Variants in SLC27A6 observed in about 807,000 individuals in gnomAD.
SLC27A6 encodes the protein long-chain fatty acid transport protein 6.
SLC27A6 carries 74 observed loss-of-function variants against 63.9 expected under a neutral mutation model. That is an observed-to-expected ratio of 1.16 (90% CI 0.96 to 1.40). The LOEUF (loss-of-function observed/expected upper bound fraction) is 1.40, where lower values mean the gene tolerates loss of function less well. Among genes scored for constraint, SLC27A6 ranks in the 40% most tolerant of loss-of-function variants. The pLI is 0.00. For missense variants in SLC27A6, 794 were observed against 732.9 expected, an observed-to-expected ratio of 1.08 and a Z score of -0.96; for synonymous variants, 287 against 260.8, an observed-to-expected ratio of 1.10 and a Z score of -0.97.
At position 129,027,264 on chromosome 5, in the gene SLC27A6, G is replaced by C. The variant is rs1419709668; in HGVS notation, c.1387G>C (p.Gly463Arg). ...FKKGDVYLNTGDLIVQDQDNF... is the reference protein window; with the variant it reads ...FKKGDVYLNTRDLIVQDQDNF... The stretch of plus-strand genomic sequence containing the variant: ...GAAGGGAGATGTTTACCTTAATACT[G>C]GAGACTTAATAGTCCAGGATCAGGA... The change falls in exon 7 of 10, where the codon GGA becomes CGA. Residue 463 changes from glycine (G) to arginine (R), a missense_variant. Physicochemically the swap from Gly to Arg is moderately radical, Grantham distance 125. Transcript: ENST00000262462. 1.2e-6 allele frequency: 2 copies of C among 1,612,972 alleles called. No individual in the cohort carries two copies. The highest frequency in any genetic ancestry group is 1.7e-6 in the Non-Finnish European group (2 of 1,179,264).
intron 9 of SLC27A6, 43 bp from the exon 10 acceptor site, chr5:129,033,063 T>C: frequency 7.5e-7 from 1 of 1,329,458 alleles, no homozygotes. Flanking sequence ...GTATATATTA[T>C]AGTTATTAAA....
chr5:128,995,659 A>G (rs1459728774), intron 4 of SLC27A6, among the ~76,000 whole-genome samples: 2 of 152,184 alleles, frequency 1.3e-5, no homozygotes, highest in Non-Finnish European at 2.9e-5. Flanking sequence ...GGTTGCCGTC[A>G]TGACAGAAGA....
intron 4 of SLC27A6, among the ~76,000 whole-genome samples, chr5:129,004,467 CTG>C (rs1401973188): frequency 2.6e-5 from 4 of 152,144 alleles, no homozygotes; most frequent in African/African-American, 7.2e-5. Context: ...CACGCTCTCT[CTG>C]TCTCTTTGTC....
intron 4 of SLC27A6, among the ~76,000 whole-genome samples, chr5:128,999,498 C>T (rs2150141157): frequency 1.3e-5 from 2 of 152,246 alleles, no homozygotes; most frequent in South Asian, 4.1e-4. Flanking sequence ...TACAACTTAA[C>T]TCTCAAATTG....
chr5:128,978,686 GTGTT>G (rs1750475015), intron 1 of SLC27A6, among the ~76,000 whole-genome samples: 1 of 152,108 alleles, frequency 6.6e-6, no homozygotes, highest in Admixed American at 6.6e-5. Context: ...CCAAAACAAT[GTGTT>G]TAAGGTTCTA....
intron 1 of SLC27A6, among the ~76,000 whole-genome samples, chr5:128,968,405 A>T (rs1038012914): frequency 3.3e-5 from 5 of 152,100 alleles, no homozygotes; most frequent in Non-Finnish European, 7.4e-5. Context: ...CTATTTCTCC[A>T]CATCCTCTCC....
chr5:129,028,889 A>G (rs1281871747), intron 8 of SLC27A6, among the ~76,000 whole-genome samples: 1 of 152,032 alleles, frequency 6.6e-6, no homozygotes, highest in Non-Finnish European at 1.5e-5. Context: ...ATAGTTATGC[A>G]TATGAGGATT....
At chr5:128,982,251 T>C (rs879653682) in intron 1 of SLC27A6, among the ~76,000 whole-genome samples, 1 of 152,210 alleles carries the variant, frequency 6.6e-6, no homozygotes, top group Non-Finnish European at 1.5e-5. Context: ...ATTGAAGAAA[T>C]AATTTTGTTA....
At chr5:129,000,666 C>T (rs80019295) in intron 4 of SLC27A6, among the ~76,000 whole-genome samples, 3,702 of 152,208 alleles carry the variant, frequency 0.024, 149 homozygotes, top group African/African-American at 0.082. Flanking sequence ...CTTTTTGGAA[C>T]GTTTCATTAA....
intron 2 of SLC27A6, among the ~76,000 whole-genome samples, chr5:128,987,045 G>T (rs1025546943): frequency 6.6e-6 from 1 of 152,148 alleles, no homozygotes; most frequent in African/African-American, 2.4e-5. Flanking sequence ...GTCCTGAGAC[G>T]TAATTCTGGA....
chr5:129,029,895 C>T (rs570196861), intron 9 of SLC27A6, among the ~76,000 whole-genome samples, 188 bp downstream of exon 9: 46 of 152,072 alleles, frequency 3.0e-4, no homozygotes, highest in African/African-American at 7.2e-4. Flanking sequence ...AATGCTAGGA[C>T]GTACCTGTCT....
rs1308427896 is a variant in SLC27A6 at position 129,023,659 on chromosome 5, A to G, written c.1204A>G (p.Lys402Glu). ...TGACTTAATAAAGTATGACTTTCAG[A>G]AAGATGAACCCATGAGAAATGAGCA... is the stretch of plus-strand genomic sequence containing the variant. ...TFDLIKYDFQKDEPMRNEQGW... is the reference protein window; with the variant it reads ...TFDLIKYDFQEDEPMRNEQGW... Residue 402 changes from lysine to glutamate, a missense_variant, in exon 6 of 10, where the codon AAA (lysine) becomes GAA (glutamate). Physicochemically the swap from Lys to Glu is moderately conservative, Grantham distance 56. Transcript: ENST00000262462. 1 of 1,610,232 alleles carries G rather than the reference A, an allele frequency of 6.2e-7. No individual in the cohort carries two copies. Among genetic ancestry groups the G allele is most frequent in the Non-Finnish European group, 8.5e-7 (1 of 1,178,714 alleles).
chr5:128,994,128 C>T (rs771627997), intron 4 of SLC27A6, among the ~76,000 whole-genome samples: 24 of 151,908 alleles, frequency 1.6e-4, no homozygotes, highest in Non-Finnish European at 2.8e-4. Context: ...GATTGTGCCA[C>T]TGCACTCCAG....
chr5:129,021,757 C>A (rs888846668), intron 5 of SLC27A6, among the ~76,000 whole-genome samples: 1 of 152,166 alleles, frequency 6.6e-6, no homozygotes, highest in African/African-American at 2.4e-5. Context: ...AGCATTAATC[C>A]TCTGCTCCAG....
At chr5:129,017,229 A>G (rs1190801755) in intron 5 of SLC27A6, among the ~76,000 whole-genome samples, 1 of 152,202 alleles carries the variant, frequency 6.6e-6, no homozygotes, top group African/African-American at 2.4e-5. Context: ...GATTGAATAT[A>G]TATAAATTAT....
intron 6 of SLC27A6, 110 bp downstream of exon 6, chr5:129,023,820 A>C: frequency 1.4e-6 from 1 of 707,648 alleles, no homozygotes; most frequent in East Asian, 2.6e-5. Context: ...GGTAGACACC[A>C]AAATTCATGG....
At chr5:129,032,925 CAAACT>C (rs1373837989) in intron 9 of SLC27A6, among the ~76,000 whole-genome samples, 176 bp from the exon 10 acceptor site, 1 of 151,662 alleles carries the variant, frequency 6.6e-6, no homozygotes, top group Admixed American at 6.6e-5. Flanking sequence ...ACAGGTAAAT[CAAACT>C]AAAGATTTTA....
chr5:129,013,071 C>T (rs1280085073), intron 4 of SLC27A6, among the ~76,000 whole-genome samples: 1 of 151,668 alleles, frequency 6.6e-6, no homozygotes, highest in Non-Finnish European at 1.5e-5. Flanking sequence ...AGTGATTAGC[C>T]CTTTAGTTAT....
At chr5:128,987,974 C>G (rs1750847749) in intron 2 of SLC27A6, among the ~76,000 whole-genome samples, 3 of 151,860 alleles carry the variant, frequency 2.0e-5, no homozygotes, top group Non-Finnish European at 2.9e-5. Flanking sequence ...TGAGACTGGT[C>G]CCAGTAAAAG....
Sources: gnomAD v4.1 joint callset for allele counts (sites outside exome capture counted in the v4.1 genomes callset) on GRCh38, gnomAD v4.1.1 for gene constraint, MANE v1.5 for transcripts, NCBI Gene and HGNC (gene_info 2026-07-23, HGNC 2026-07-21) for gene names.